PDE6D: variants seen among roughly 807,000 people sequenced by gnomAD.
PDE6D encodes the protein phosphodiesterase 6D, also known as retinal rod rhodopsin-sensitive cGMP 3',5'-cyclic phosphodiesterase subunit delta.
Under a neutral mutation model 21.9 loss-of-function variants are expected in PDE6D, and 10 were observed. The observed-to-expected ratio is 0.46, with a 90% CI of 0.28 to 0.78. The LOEUF (loss-of-function observed/expected upper bound fraction) is 0.78. PDE6D is among the 30% of genes least tolerant of loss of function. The pLI is 0.12. For synonymous variants in PDE6D, 59 were observed against 63.5 expected, an observed-to-expected ratio of 0.93 and a Z score of 0.34; for missense variants, 139 against 184.8, an observed-to-expected ratio of 0.75 and a Z score of 1.44.
intron 1 of PDE6D, among the ~76,000 whole-genome samples, chr2:231,758,928 G>GA (rs1412615290): frequency 3.9e-5 from 6 of 151,934 alleles, no homozygotes; most frequent in Admixed American, 2.6e-4. Flanking sequence ...AGAGTGAAAA[G>GA]AAAAAAATTA....
intron 1 of PDE6D, among the ~76,000 whole-genome samples, chr2:231,755,846 G>A (rs553928971): frequency 3.9e-5 from 6 of 152,172 alleles, no homozygotes; most frequent in South Asian, 2.1e-4. Context: ...CTTGAACTTC[G>A]GAGGCAGAGG....
At chr2:231,765,535 T>G (rs1244037456) in intron 1 of PDE6D, among the ~76,000 whole-genome samples, 3 of 152,170 alleles carry the variant, frequency 2.0e-5, no homozygotes, top group African/African-American at 7.2e-5. Flanking sequence ...TCCAGGTAAG[T>G]ATATTTTTCA....
intron 1 of PDE6D, among the ~76,000 whole-genome samples, chr2:231,758,396 C>T (rs1322183860): frequency 6.6e-6 from 1 of 152,116 alleles, no homozygotes; most frequent in Non-Finnish European, 1.5e-5. Context: ...CTTGGCCTCC[C>T]AAAGTGCTGG....
At chr2:231,760,653 A>C (rs190733115) in intron 1 of PDE6D, among the ~76,000 whole-genome samples, 4 of 152,242 alleles carry the variant, frequency 2.6e-5, no homozygotes, top group African/African-American at 9.6e-5. Flanking sequence ...ATGATCCCTA[A>C]ACTCATGGTA....
chr2:231,734,315 G>C (rs183626344), intron 4 of PDE6D, among the ~76,000 whole-genome samples: 1 of 152,010 alleles, frequency 6.6e-6, no homozygotes, highest in African/African-American at 2.4e-5. Context: ...TGGATTTATG[G>C]GGATATTAAA....
At chr2:231,738,270 C>T in intron 2 of PDE6D, 132 bp from the exon 3 acceptor site, 1 of 893,096 alleles carries the variant, frequency 1.1e-6, no homozygotes, top group East Asian at 2.5e-5. Context: ...AGAACACTTT[C>T]TTACATTTTG....
rs958029373 is a variant in PDE6D at position 231,781,255 on chromosome 2, C to A, written c.-141G>T. 1.6e-5 allele frequency: 11 copies of A among 705,464 alleles called. No individual in the cohort carries two copies. Among genetic ancestry groups the A allele is most frequent in the Non-Finnish European group, 2.2e-5 (9 of 406,800 alleles). The allele number at this position is 705,464 out of a possible 1,614,324, so 43.7% of individuals were successfully genotyped here. A position where few individuals can be genotyped will look rare whatever the true frequency, so the allele number is the denominator to read the frequency against. Reference sequence around the variant, plus strand: ...GCAGCGGCCAGACCAGGACCGGCCTCTCTCTCCCCTCAGCTCCCGCTTCTG... The same window carrying A: ...GCAGCGGCCAGACCAGGACCGGCCTATCTCTCCCCTCAGCTCCCGCTTCTG... On this transcript the variant is annotated 5_prime_UTR_variant, in exon 1 of 5. Transcript: ENST00000287600.
intron 1 of PDE6D, among the ~76,000 whole-genome samples, chr2:231,774,495 T>C (rs1334168172): frequency 6.6e-6 from 1 of 152,178 alleles, no homozygotes; most frequent in Non-Finnish European, 1.5e-5. Context: ...GTGTAAACAT[T>C]TGATAGATAC....
chr2:231,778,111 C>T (rs1373213130), intron 1 of PDE6D, among the ~76,000 whole-genome samples: 1 of 152,008 alleles, frequency 6.6e-6, no homozygotes, highest in Non-Finnish European at 1.5e-5. Context: ...ATTAAAAATA[C>T]AAAAATTAGC....
intron 1 of PDE6D, among the ~76,000 whole-genome samples, chr2:231,753,682 CAAAT>C (rs2048861277): frequency 6.6e-6 from 1 of 152,020 alleles, no homozygotes; most frequent in Non-Finnish European, 1.5e-5. Context: ...AATTAAATAA[CAAAT>C]AAAAAATGTA....
At chr2:231,735,658 G>A (rs1023213431) in intron 4 of PDE6D, among the ~76,000 whole-genome samples, 19 of 151,588 alleles carry the variant, frequency 1.3e-4, no homozygotes, top group African/African-American at 4.4e-4. Flanking sequence ...CAATCCTCCC[G>A]CCTCAGCTTC....
At chr2:231,735,580 G>C (rs1329175496) in intron 4 of PDE6D, among the ~76,000 whole-genome samples, 1 of 151,618 alleles carries the variant, frequency 6.6e-6, no homozygotes, top group Non-Finnish European at 1.5e-5. Context: ...TTACAGGTGT[G>C]AGCCACTGCG....
chr2:231,737,853 T>C, intron 3 of PDE6D, 160 bp downstream of exon 3: 1 of 690,300 alleles, frequency 1.4e-6, no homozygotes, highest in Non-Finnish European at 2.3e-6. Context: ...TTTTGGTTTG[T>C]TTCACTGGGG....
intron 4 of PDE6D, among the ~76,000 whole-genome samples, chr2:231,734,975 G>C (rs1399604658): frequency 6.6e-6 from 1 of 151,548 alleles, no homozygotes; most frequent in Non-Finnish European, 1.5e-5. Context: ...AGGCACGGTG[G>C]CTCACGTCTG....
chr2:231,771,276 G>T (rs1352158866), intron 1 of PDE6D, among the ~76,000 whole-genome samples: 1 of 151,968 alleles, frequency 6.6e-6, no homozygotes, highest in African/African-American at 2.4e-5. Context: ...GCCAAGCTGA[G>T]AAAAATTTAA....
chr2:231,748,751 G>A (rs2048813393), intron 1 of PDE6D, among the ~76,000 whole-genome samples: 1 of 152,170 alleles, frequency 6.6e-6, no homozygotes, highest in South Asian at 2.1e-4. Flanking sequence ...CAGCCACTTG[G>A]TGCCATGTCC....
intron 4 of PDE6D, 132 bp from the exon 5 acceptor site, chr2:231,733,165 G>A (rs984648159): frequency 2.0e-5 from 13 of 652,212 alleles, no homozygotes; most frequent in African/African-American, 1.6e-4. Context: ...CTTAGCTTGG[G>A]GACATTAAAA....
intron 1 of PDE6D, among the ~76,000 whole-genome samples, chr2:231,759,958 A>T (rs941573142): frequency 6.6e-6 from 1 of 152,216 alleles, no homozygotes; most frequent in African/African-American, 2.4e-5. Context: ...GAAATGAGAA[A>T]TGTTTAGTAT....
At chr2:231,747,409 G>T (rs527361600) in intron 1 of PDE6D, among the ~76,000 whole-genome samples, 7 of 152,356 alleles carry the variant, frequency 4.6e-5, no homozygotes, top group African/African-American at 9.6e-5. Flanking sequence ...TTTAAAGAAT[G>T]AAAGAGTGTG....
Sources: gnomAD v4.1 joint callset for allele counts (sites outside exome capture counted in the v4.1 genomes callset) on GRCh38, gnomAD v4.1.1 for gene constraint, MANE v1.5 for transcripts, NCBI Gene and HGNC (gene_info 2026-07-23, HGNC 2026-07-21) for gene names.